Variants in WWC2 observed in about 807,000 individuals in gnomAD.
WWC2 encodes the protein WW and C2 domain containing 2, also known as protein WWC2.
WWC2 carries 101 observed loss-of-function variants against 138.5 expected under a neutral mutation model. The observed-to-expected ratio is 0.73, with a 90% CI of 0.62 to 0.86. WWC2 has a LOEUF of 0.86. WWC2 is among the 40% of genes least tolerant of loss of function. The probability of loss-of-function intolerance (pLI) is 0.00; values close to 1 mark genes in which losing one functional copy is unlikely to be tolerated. For synonymous variants in WWC2, 558 were observed against 538.4 expected, an observed-to-expected ratio of 1.04 and a Z score of -0.50; for missense variants, 1,420 against 1,419.4, an observed-to-expected ratio of 1.00 and a Z score of -0.01.
intron 4 of WWC2, among the ~76,000 whole-genome samples, chr4:183,230,923 A>AG (rs1736226477): frequency 1.3e-5 from 2 of 152,228 alleles, no homozygotes; most frequent in African/African-American, 4.8e-5. Flanking sequence ...GTATTGAAAT[A>AG]TTATTAACCA....
At chr4:183,173,873 C>T (rs1306885058) in intron 1 of WWC2, among the ~76,000 whole-genome samples, 1 of 152,146 alleles carries the variant, frequency 6.6e-6, no homozygotes. Flanking sequence ...AGCTCTCAGT[C>T]ATATTTAAGA....
chr4:183,105,889 TA>T (rs776622580), intron 1 of WWC2, among the ~76,000 whole-genome samples: 1,363 of 134,916 alleles, frequency 0.01, 5 homozygotes, highest in African/African-American at 0.017. Flanking sequence ...GACTCTGTCT[TA>T]AAAAAAAAAA....
intron 1 of WWC2, among the ~76,000 whole-genome samples, chr4:183,160,085 C>T (rs534729013): frequency 3.3e-4 from 50 of 152,286 alleles, no homozygotes; most frequent in African/African-American, 1.0e-3. Flanking sequence ...TTATTAACTG[C>T]GTAAAGTACA....
chr4:183,275,075 C>T (rs1013280752), intron 16 of WWC2, among the ~76,000 whole-genome samples: 5 of 152,134 alleles, frequency 3.3e-5, no homozygotes, highest in Admixed American at 1.3e-4. Flanking sequence ...CCCTTTTCCT[C>T]CTCACCCTCC....
chr4:183,166,933 A>C (rs1734145936), intron 1 of WWC2, among the ~76,000 whole-genome samples: 1 of 152,176 alleles, frequency 6.6e-6, no homozygotes, highest in African/African-American at 2.4e-5. Flanking sequence ...GGAAGCACAG[A>C]GTTCTGTAGG....
intron 4 of WWC2, among the ~76,000 whole-genome samples, chr4:183,225,205 G>C (rs2111273603): frequency 6.6e-6 from 1 of 152,248 alleles, no homozygotes; most frequent in African/African-American, 2.4e-5. Context: ...TTGTGTGTAA[G>C]TTCTTATCTT....
chr4:183,131,142 A>C (rs1237168060), intron 1 of WWC2, among the ~76,000 whole-genome samples: 1 of 152,238 alleles, frequency 6.6e-6, no homozygotes, highest in African/African-American at 2.4e-5. Flanking sequence ...TCTTTTTAAC[A>C]AATGGTATTG....
At chr4:183,280,918 G>C (rs1580143692) in intron 17 of WWC2, 21 bp downstream of exon 17, 2 of 1,544,022 alleles carry the variant, frequency 1.3e-6, no homozygotes, top group Non-Finnish European at 1.7e-6. Context: ...TATTTCCTTT[G>C]CTGTTGGGAG....
chr4:183,296,697 G>T (rs1738639269), intron 21 of WWC2, among the ~76,000 whole-genome samples: 1 of 151,868 alleles, frequency 6.6e-6, no homozygotes, highest in African/African-American at 2.4e-5. Context: ...ACTTTGCGAG[G>T]CCAAGGCGGG....
intron 1 of WWC2, among the ~76,000 whole-genome samples, chr4:183,106,060 G>T (rs1743346664): frequency 6.6e-6 from 1 of 151,560 alleles, no homozygotes; most frequent in Admixed American, 6.6e-5. Flanking sequence ...GCTCACTACA[G>T]CCTCCGCCTC....
intron 14 of WWC2, among the ~76,000 whole-genome samples, chr4:183,266,716 G>C (rs1737516690): frequency 6.6e-6 from 1 of 152,190 alleles, no homozygotes; most frequent in Admixed American, 6.5e-5. Flanking sequence ...GAAACTTCCT[G>C]TAAGAAGTGG....
At chr4:183,113,515 T>TGCGCGC (rs1554064965) in intron 1 of WWC2, among the ~76,000 whole-genome samples, 49 of 126,722 alleles carry the variant, frequency 3.9e-4, no homozygotes, top group Non-Finnish European at 6.9e-4. Flanking sequence ...TGTGTGTGTG[T>TGCGCGC]GCGCGCGCGT....
chr4:183,173,740 G>C (rs1223882119), intron 1 of WWC2, among the ~76,000 whole-genome samples: 1 of 152,088 alleles, frequency 6.6e-6, no homozygotes, highest in Non-Finnish European at 1.5e-5. Flanking sequence ...CCAGCTGCCC[G>C]GGGATTCATC....
At chr4:183,296,666 G>C (rs1738638121) in intron 21 of WWC2, among the ~76,000 whole-genome samples, 1 of 152,072 alleles carries the variant, frequency 6.6e-6, no homozygotes, top group South Asian at 2.1e-4. Flanking sequence ...AGTCACGGTG[G>C]CTCACGCCTG....
intron 1 of WWC2, among the ~76,000 whole-genome samples, chr4:183,143,306 T>G (rs1733358160): frequency 6.6e-6 from 1 of 152,126 alleles, no homozygotes; most frequent in Non-Finnish European, 1.5e-5. Context: ...GTACTCTTGA[T>G]TTGCATTCCA....
chr4:183,193,523 T>G, intron 1 of WWC2, 76 bp from the exon 2 acceptor site: 2 of 1,266,594 alleles, frequency 1.6e-6, no homozygotes, highest in Non-Finnish European at 2.3e-6. Context: ...TAGACACTTG[T>G]GGTTAGGGTG....
At chr4:183,224,234 A>G (rs1736007201) in intron 4 of WWC2, among the ~76,000 whole-genome samples, 1 of 152,188 alleles carries the variant, frequency 6.6e-6, no homozygotes, top group Non-Finnish European at 1.5e-5. Context: ...GGGCGGGGAC[A>G]TTCACCATGG....
At chr4:183,213,750 TA>T (rs796915436) in intron 4 of WWC2, among the ~76,000 whole-genome samples, 23 of 152,338 alleles carry the variant, frequency 1.5e-4, no homozygotes, top group African/African-American at 5.0e-4. Context: ...TCTTAACTTT[TA>T]AAGCTGGTGT....
At position 183,314,984 on chromosome 4, in the gene WWC2, C is replaced by G. The variant is rs567146601; in HGVS notation, c.3513-679C>G. On this transcript the variant is annotated intron_variant, in intron 22 of 22. Transcript: ENST00000403733. ...GAACCAGTGCTTGATTCTTCAGCTA[C>G]CAGCATGCCCCTTGCATGTAATATG... Among the ~76,000 whole-genome samples, 3 of 152,364 alleles carry G rather than the reference C, an allele frequency of 2.0e-5. No homozygotes were observed. The East Asian group carries it at 5.8e-4, about 29-fold the overall frequency.
Sources: allele counts gnomAD v4.1 joint callset (sites outside exome capture counted in the v4.1 genomes callset), GRCh38; gene constraint gnomAD v4.1.1; transcripts MANE v1.5; gene names NCBI Gene and HGNC (gene_info 2026-07-23, HGNC 2026-07-21).